The following GRHL2 variants were observed in gnomAD, a reference collection of about 807,000 sequenced individuals.
GRHL2 encodes grainyhead-like protein 2 homolog.
Under a neutral mutation model 83.8 loss-of-function variants are expected in GRHL2, and 21 were observed. The observed-to-expected ratio is 0.25, with a 90% CI of 0.18 to 0.36. GRHL2 has a LOEUF of 0.36. Among genes scored for constraint, GRHL2 ranks in the 10% least tolerant of loss-of-function variants. The probability of loss-of-function intolerance (pLI) is 1.00; values close to 1 mark genes in which losing one functional copy is unlikely to be tolerated. For synonymous variants in GRHL2, 280 were observed against 278.9 expected, an observed-to-expected ratio of 1.00 and a Z score of -0.04; for missense variants, 623 against 781.8, an observed-to-expected ratio of 0.80 and a Z score of 2.42.
chr8:101,577,452 A>T lies in GRHL2; in HGVS notation c.936A>T (p.Glu312Asp). The T allele has an allele frequency of 6.2e-7, 1 of 1,614,098 alleles. No individual in the cohort carries two copies. The highest frequency in any genetic ancestry group is 8.5e-7 in the Non-Finnish European group (1 of 1,179,954). ...TCAGTGAAGACAAAAACAGAGATGA[A>T]CAGCTCAAATACTGGAAATACTGGC... ...VVFSEDKNRD[E>D]QLKYWKYWHS... Residue 312 changes from glutamate to aspartate, a missense_variant, in exon 7 of 16, where the codon GAA (glutamate) becomes GAT (aspartate). Transcript: ENST00000646743.
At chr8:101,496,147 CAAAA>C (rs34918770) in intron 1 of GRHL2, among the ~76,000 whole-genome samples, 1 of 113,186 alleles carries the variant, frequency 8.8e-6, no homozygotes, top group East Asian at 2.7e-4. Flanking sequence ...GACTCCATCT[CAAAA>C]AAAAAAAAAA....
chr8:101,586,525 T>A (rs1427478672), intron 7 of GRHL2, among the ~76,000 whole-genome samples: 1 of 152,214 alleles, frequency 6.6e-6, no homozygotes, highest in Non-Finnish European at 1.5e-5. Flanking sequence ...GAGTCCACTG[T>A]TCCCTCTGCA....
At chr8:101,591,061 T>G (rs1734710740) in intron 7 of GRHL2, among the ~76,000 whole-genome samples, 1 of 152,160 alleles carries the variant, frequency 6.6e-6, no homozygotes, top group African/African-American at 2.4e-5. Flanking sequence ...CTACAATCCA[T>G]TTGAAGAAAG....
intron 5 of GRHL2, among the ~76,000 whole-genome samples, chr8:101,571,117 A>G (rs759186411): frequency 6.6e-6 from 1 of 151,968 alleles, no homozygotes; most frequent in African/African-American, 2.4e-5. Context: ...ATTGAAAAAC[A>G]TTTGCTAAGA....
chr8:101,583,614 A>G (rs1391503962), intron 7 of GRHL2, among the ~76,000 whole-genome samples: 1 of 152,224 alleles, frequency 6.6e-6, no homozygotes, highest in East Asian at 1.9e-4. Flanking sequence ...ACTTATTTGC[A>G]CAGTGGAGTT....
At chr8:101,574,667 G>A (rs941456093) in intron 6 of GRHL2, among the ~76,000 whole-genome samples, 1 of 152,238 alleles carries the variant, frequency 6.6e-6, no homozygotes, top group Non-Finnish European at 1.5e-5. Flanking sequence ...CAGGTGGGGC[G>A]CAGGTTCCAC....
At position 101,612,520 on chromosome 8, in the gene GRHL2, G is replaced by GATACATACATACATAC. The variant is rs58026460; in HGVS notation, c.1099-6999_1099-6984dup. Among the ~76,000 whole-genome samples the GATACATACATACATAC allele has an allele frequency of 2.0e-3, 243 of 123,772 alleles. 8 individuals carry two copies. Among genetic ancestry groups the GATACATACATACATAC allele is most frequent in the East Asian group, 4.5e-3 (19 of 4,222 alleles). The allele number at this position is 123,772 out of a possible 152,430, so 81.2% of individuals were successfully genotyped here. A position where few individuals can be genotyped will look rare whatever the true frequency, so the allele number is the denominator to read the frequency against. ...AGATAGATAGATAGATAGATAGATA[G>GATACATACATACATAC]ATACATACATACATACATACATACA... On this transcript the variant is annotated intron_variant, in intron 8 of 15. Coordinates refer to ENST00000646743, the MANE Select transcript of GRHL2 (RefSeq NM_024915.4).
At chr8:101,503,467 T>C (rs1383894083) in intron 1 of GRHL2, among the ~76,000 whole-genome samples, 5 of 152,336 alleles carry the variant, frequency 3.3e-5, no homozygotes, top group Non-Finnish European at 7.4e-5. Flanking sequence ...TCAAAGTGGC[T>C]AAAATTAACA....
intron 9 of GRHL2, among the ~76,000 whole-genome samples, chr8:101,631,432 C>T (rs371309618): frequency 6.6e-6 from 1 of 152,268 alleles, no homozygotes; most frequent in South Asian, 2.1e-4. Flanking sequence ...GGTGGGATCC[C>T]TCACAGGTCA....
chr8:101,622,150 T>C (rs1462842002), intron 9 of GRHL2, among the ~76,000 whole-genome samples: 3 of 152,154 alleles, frequency 2.0e-5, no homozygotes, highest in Non-Finnish European at 4.4e-5. Context: ...ATAAAATAAA[T>C]ATTAAATCAC....
intron 1 of GRHL2, among the ~76,000 whole-genome samples, chr8:101,519,642 G>A (rs1422531654): frequency 1.3e-5 from 2 of 151,384 alleles, no homozygotes; most frequent in African/African-American, 4.9e-5. Context: ...TCAAGTAAAG[G>A]TTTAATTTAA....
At chr8:101,558,293 G>A in intron 3 of GRHL2, 126 bp from the exon 4 acceptor site, 1 of 1,133,008 alleles carries the variant, frequency 8.8e-7, no homozygotes, top group East Asian at 2.4e-5. Context: ...TGTGAAGTTT[G>A]CCAGCCCCCT....
At chr8:101,605,803 G>A (rs996280719) in intron 8 of GRHL2, among the ~76,000 whole-genome samples, 21 of 152,086 alleles carry the variant, frequency 1.4e-4, no homozygotes, top group East Asian at 1.2e-3. Flanking sequence ...TTCTTACCTC[G>A]CTCCAAAGAT....
chr8:101,632,410 C>G (rs1365105445), intron 11 of GRHL2, 45 bp downstream of exon 11: 1 of 1,610,258 alleles, frequency 6.2e-7, no homozygotes, highest in South Asian at 1.1e-5. Flanking sequence ...ATCCACAGGG[C>G]AAGTAGGGCT....
intron 15 of GRHL2, 70 bp from the exon 16 acceptor site, chr8:101,666,519 A>C (rs1814061200): frequency 1.1e-6 from 1 of 871,764 alleles, no homozygotes; most frequent in South Asian, 1.4e-5. Context: ...CCCAGCCTGG[A>C]GCTCCCCTTG....
downstream of GRHL2, among the ~76,000 whole-genome samples, chr8:101,674,228 A>G (rs1453845242): frequency 6.6e-6 from 1 of 152,202 alleles, no homozygotes. Context: ...TGAAGGAAAT[A>G]GAGACACAAA....
intron 2 of GRHL2, among the ~76,000 whole-genome samples, chr8:101,550,463 T>C (rs1191145521): frequency 6.6e-6 from 1 of 152,222 alleles, no homozygotes; most frequent in East Asian, 1.9e-4. Context: ...TTTCTGTTCC[T>C]GCATTTATTT....
intron 7 of GRHL2, among the ~76,000 whole-genome samples, chr8:101,594,926 A>C (rs1207858879): frequency 2.0e-5 from 3 of 152,242 alleles, no homozygotes; most frequent in Non-Finnish European, 4.4e-5. Flanking sequence ...AAATACTTGT[A>C]CATGCCATGA....
intron 1 of GRHL2, among the ~76,000 whole-genome samples, chr8:101,530,469 A>G (rs1229699491): frequency 6.6e-6 from 1 of 152,196 alleles, no homozygotes; most frequent in East Asian, 1.9e-4. Flanking sequence ...TCCTTTAAAA[A>G]TCATATTTTT....
Sources: gnomAD v4.1 joint callset for allele counts (sites outside exome capture counted in the v4.1 genomes callset) on GRCh38, gnomAD v4.1.1 for gene constraint, MANE v1.5 for transcripts, NCBI Gene and HGNC (gene_info 2026-07-23, HGNC 2026-07-21) for gene names.